The following TRPC5 variants were observed in gnomAD, a reference collection of about 807,000 sequenced individuals.
TRPC5 encodes short transient receptor potential channel 5.
Under a neutral mutation model 56.5 loss-of-function variants are expected in TRPC5, and 9 were observed. That is an observed-to-expected ratio of 0.16 (90% CI 0.10 to 0.28). TRPC5 has a LOEUF of 0.28. TRPC5 is among the 10% of genes least tolerant of loss of function. The pLI is 1.00. For synonymous variants in TRPC5, 282 were observed against 278.5 expected, an observed-to-expected ratio of 1.01 and a Z score of -0.13; for missense variants, 469 against 748.9, an observed-to-expected ratio of 0.63 and a Z score of 4.36.
At chrX:111,900,400 A>G (rs1031990448) in intron 3 of TRPC5, among the ~76,000 whole-genome samples, 1 of 112,171 alleles carries the variant, frequency 8.9e-6, no homozygotes, top group Non-Finnish European at 1.9e-5. Context: ...AAACTGGTCA[A>G]AGGTATATAG....
At chrX:111,883,697 C>T (rs1444464904) in intron 3 of TRPC5, among the ~76,000 whole-genome samples, 1 of 111,713 alleles carries the variant, frequency 9.0e-6, no homozygotes, top group Non-Finnish European at 1.9e-5. Context: ...AATGCCTAAA[C>T]TTAGGTTAGG....
chrX:111,781,270 A>C, intron 8 of TRPC5, 64 bp from the exon 9 acceptor site: 1 of 983,795 alleles, frequency 1.0e-6, no homozygotes, highest in Non-Finnish European at 1.4e-6. Context: ...CCACCCAAAC[A>C]TCTGAATATA....
At chrX:111,792,356 G>T (rs1464738746) in intron 7 of TRPC5, among the ~76,000 whole-genome samples, 3 of 111,075 alleles carry the variant, frequency 2.7e-5, no homozygotes, top group East Asian at 5.7e-4. Flanking sequence ...CCTAATGCAT[G>T]TGGGGCTTCA....
chrX:112,008,410 T>C (rs1174166903), intron 1 of TRPC5, among the ~76,000 whole-genome samples: 1 of 109,970 alleles, frequency 9.1e-6, no homozygotes, highest in African/African-American at 3.3e-5. Context: ...GCTAACACAG[T>C]GAAACCCCAT....
chrX:111,956,896 A>C (rs1358494685), intron 1 of TRPC5, among the ~76,000 whole-genome samples: 3 of 111,596 alleles, frequency 2.7e-5, no homozygotes, highest in African/African-American at 9.8e-5. Flanking sequence ...ACTTTCAGCA[A>C]ATACTCTCCT....
chrX:111,962,789 A>T (rs1927420438), intron 1 of TRPC5, among the ~76,000 whole-genome samples: 1 of 112,386 alleles, frequency 8.9e-6, no homozygotes. Context: ...TGAAAGGAAG[A>T]GTCAATCGAT....
Position 111,776,851 on chromosome X carries a change from T to C in TRPC5, c.2384A>G (p.Lys795Arg), listed in dbSNP as rs1569524983. The change falls in exon 11 of 11, where the codon AAG becomes AGG. Residue 795 changes from lysine (K) to arginine (R), a missense_variant. By Grantham distance (26) the Lys-to-Arg change is conservative (BLOSUM62 2). Around this residue, in one of 3 missense-constraint regions of TRPC5, gnomAD observed 194 missense variants for 221.8 expected, o/e 0.87. Coordinates refer to ENST00000262839, the MANE Select transcript of TRPC5 (RefSeq NM_012471.3). ...DGSGGARAKS[K>R]SVSFNLGCKK... ...GCAGCCTAAATTAAAAGAGACACTC[T>C]TGGATTTGGCCCGAGCCCCACCACT... The C allele has an allele frequency of 4.1e-6, 5 of 1,211,619 alleles. No individual in the cohort carries two copies. Among genetic ancestry groups the C allele is most frequent in the Non-Finnish European group, 5.6e-6 (5 of 895,491 alleles).
At chrX:111,903,628 G>A (rs912363044) in intron 3 of TRPC5, 5 of 112,166 alleles carry the variant, frequency 4.5e-5, no homozygotes, top group Non-Finnish European at 9.4e-5. Context: ...GGAGTGAGTG[G>A]CTGATCCTTT....
intron 1 of TRPC5, among the ~76,000 whole-genome samples, chrX:111,976,075 T>TA (rs1433059834): frequency 8.9e-6 from 1 of 111,970 alleles, no homozygotes; most frequent in Non-Finnish European, 1.9e-5. Context: ...TCTCAATAGA[T>TA]ACAGAAAAAT....
Position 111,942,261 on chromosome X carries a change from C to A in TRPC5, c.378+9782G>T, listed in dbSNP as rs528164055. Among the ~76,000 whole-genome samples, 102 of 112,303 alleles carry A rather than the reference C, an allele frequency of 9.1e-4. No homozygotes were observed. In the South Asian group the frequency reaches 0.037, roughly 41 times the overall value. ...ACTCTGAGTATACATTTCTTGAAAG[C>A]ACTAACTGGATATTTCAATTTGATT... On this transcript the variant is annotated intron_variant, in intron 2 of 10. Coordinates refer to ENST00000262839, the MANE Select transcript of TRPC5 (RefSeq NM_012471.3).
At chrX:112,027,213 T>C (rs1263519146) in intron 1 of TRPC5, among the ~76,000 whole-genome samples, 1 of 112,117 alleles carries the variant, frequency 8.9e-6, no homozygotes, top group Admixed American at 9.5e-5. Flanking sequence ...TTGAATCAAA[T>C]CTTACTGATA....
chrX:111,803,859 A>T (rs1921402852), intron 7 of TRPC5, among the ~76,000 whole-genome samples: 1 of 111,331 alleles, frequency 9.0e-6, no homozygotes, highest in Non-Finnish European at 1.9e-5. Flanking sequence ...GTTTAATTAG[A>T]TCCCATTTGT....
At chrX:111,811,181 A>C (rs1921694726) in intron 7 of TRPC5, among the ~76,000 whole-genome samples, 1 of 112,242 alleles carries the variant, frequency 8.9e-6, no homozygotes, top group African/African-American at 3.2e-5. Context: ...GTAATTACAT[A>C]GTTTTATTTT....
intron 2 of TRPC5, among the ~76,000 whole-genome samples, chrX:111,940,361 C>G (rs1309730601): frequency 1.8e-5 from 2 of 111,781 alleles, no homozygotes; most frequent in East Asian, 2.8e-4. Context: ...CCATGTCTGG[C>G]AAGCATGAAG....
intron 1 of TRPC5, among the ~76,000 whole-genome samples, chrX:112,017,292 T>C (rs1288448496): frequency 9.0e-6 from 1 of 111,192 alleles, no homozygotes; most frequent in East Asian, 2.8e-4. Flanking sequence ...GGATTACAGG[T>C]GTGAGCCACC....
At chrX:111,906,343 A>C (rs1329999792) in intron 3 of TRPC5, among the ~76,000 whole-genome samples, 2 of 85,542 alleles carry the variant, frequency 2.3e-5, no homozygotes, top group Admixed American at 3.0e-4. Context: ...CAACAAAGCG[A>C]AACTCTGTTT....
chrX:111,813,851 A>G (rs2148566750), intron 7 of TRPC5, among the ~76,000 whole-genome samples: 1 of 112,322 alleles, frequency 8.9e-6, no homozygotes, highest in East Asian at 2.8e-4. Flanking sequence ...TGGGAAAGCA[A>G]CACAAATTGC....
At chrX:111,935,330 TAG>T (rs1267442358) in intron 2 of TRPC5, among the ~76,000 whole-genome samples, 1 of 112,173 alleles carries the variant, frequency 8.9e-6, no homozygotes, top group African/African-American at 3.2e-5. Context: ...TTTTTTTTCC[TAG>T]AGAGTTGTTT....
At chrX:111,911,462 C>G (rs753990457) in intron 3 of TRPC5, among the ~76,000 whole-genome samples, 1 of 112,373 alleles carries the variant, frequency 8.9e-6, no homozygotes, top group South Asian at 3.7e-4. Context: ...ATTCTATCCT[C>G]AGTTGCTCTG....
Sources: gnomAD v4.1 joint callset for allele counts (sites outside exome capture counted in the v4.1 genomes callset) on GRCh38, gnomAD v4.1.1 for gene constraint, gnomAD v4.1.1 regional missense constraint, MANE v1.5 for transcripts, NCBI Gene and HGNC (gene_info 2026-07-23, HGNC 2026-07-21) for gene names.